Variants in ADAM12 observed in about 807,000 individuals in gnomAD.
ADAM12 encodes ADAM metallopeptidase domain 12.
Under a neutral mutation model 106.4 loss-of-function variants are expected in ADAM12, and 70 were observed. That is an observed-to-expected ratio of 0.66 (90% CI 0.54 to 0.80). The LOEUF (loss-of-function observed/expected upper bound fraction) is 0.80, where lower values mean the gene tolerates loss of function less well. Ranked by LOEUF, ADAM12 falls within the 30% of genes least tolerant of loss-of-function variation. ADAM12 has a pLI of 0.00. For synonymous variants in ADAM12, 420 were observed against 433.5 expected (o/e 0.97, Z 0.39); for missense variants, 1,010 against 1,171.9 (o/e 0.86, Z 2.02).
At chr10:126,115,111 G>C (rs188481636) in intron 6 of ADAM12, among the ~76,000 whole-genome samples, 6 of 152,266 alleles carry the variant, frequency 3.9e-5, no homozygotes, top group Admixed American at 3.9e-4. Flanking sequence ...TGTCCTATAT[G>C]TACACAGTAC....
chr10:126,318,474 TCA>T (rs534529186), intron 2 of ADAM12, among the ~76,000 whole-genome samples: 1 of 150,624 alleles, frequency 6.6e-6, no homozygotes, highest in South Asian at 2.1e-4. Flanking sequence ...ACATTCACAC[TCA>T]CACATTCACA....
chr10:126,272,560 A>T (rs1959183544), intron 3 of ADAM12, among the ~76,000 whole-genome samples: 1 of 152,246 alleles, frequency 6.6e-6, no homozygotes, highest in African/African-American at 2.4e-5. Flanking sequence ...AGTTAATAGT[A>T]GAAGGGAAGC....
At chr10:126,045,357 C>T (rs1954287811) in intron 17 of ADAM12, among the ~76,000 whole-genome samples, 1 of 152,140 alleles carries the variant, frequency 6.6e-6, no homozygotes, top group South Asian at 2.1e-4. Context: ...TGGTAATTTA[C>T]AACCCCCTCC....
At chr10:126,038,218 A>T in intron 20 of ADAM12, 23 bp downstream of exon 20, 1 of 1,579,758 alleles carries the variant, frequency 6.3e-7, no homozygotes, top group Non-Finnish European at 8.6e-7. Flanking sequence ...TGCCCTGAGC[A>T]CTCACATCTA....
chr10:126,152,861 G>C (rs1956753117), intron 4 of ADAM12, among the ~76,000 whole-genome samples: 1 of 152,100 alleles, frequency 6.6e-6, no homozygotes, highest in Non-Finnish European at 1.5e-5. Flanking sequence ...AAAATCTAAA[G>C]TTAATCAGCG....
chr10:126,056,260 A>C (rs1710293), intron 14 of ADAM12, among the ~76,000 whole-genome samples: 108,846 of 152,136 alleles, frequency 0.72, 40,565 homozygotes, highest in East Asian at 0.93. Context: ...ATGGCCAGGA[A>C]GTGATGTCCC....
At chr10:126,182,802 C>T (rs1250041048) in intron 3 of ADAM12, among the ~76,000 whole-genome samples, 1 of 152,234 alleles carries the variant, frequency 6.6e-6, no homozygotes, top group Non-Finnish European at 1.5e-5. Context: ...ATTCTCGGGA[C>T]TATGGGGATT....
intron 5 of ADAM12, among the ~76,000 whole-genome samples, chr10:126,127,113 C>G (rs927031274): frequency 4.6e-5 from 7 of 152,186 alleles, no homozygotes; most frequent in Non-Finnish European, 1.0e-4. Context: ...CTGCAAACAG[C>G]TGAGGTGGGC....
chr10:126,348,664 T>C (rs1170353775), intron 1 of ADAM12, among the ~76,000 whole-genome samples: 2 of 152,342 alleles, frequency 1.3e-5, no homozygotes, highest in Admixed American at 1.3e-4. Context: ...ATTTCCTCTG[T>C]CTCTGTGCCA....
intron 10 of ADAM12, among the ~76,000 whole-genome samples, chr10:126,095,092 T>C (rs185743304): frequency 2.7e-4 from 41 of 152,342 alleles, no homozygotes; most frequent in Admixed American, 1.1e-3. Flanking sequence ...TGTTTGAATC[T>C]TGCTTTGTGC....
intron 1 of ADAM12, among the ~76,000 whole-genome samples, chr10:126,368,597 C>T (rs954181743): frequency 4.6e-5 from 7 of 151,832 alleles, no homozygotes; most frequent in South Asian, 2.1e-4. Flanking sequence ...AAGAAAGCAG[C>T]ATAAAACAAA....
At chr10:126,033,307 A>G (rs2133393430) in intron 21 of ADAM12, among the ~76,000 whole-genome samples, 1 of 152,316 alleles carries the variant, frequency 6.6e-6, no homozygotes, top group African/African-American at 2.4e-5. Flanking sequence ...GGATACATAA[A>G]AAGTAGTTCA....
chr10:126,110,966 CTCTT>C (rs1372888943), intron 6 of ADAM12, among the ~76,000 whole-genome samples: 3 of 152,194 alleles, frequency 2.0e-5, no homozygotes, highest in Admixed American at 2.0e-4. Flanking sequence ...GTTATAACCA[CTCTT>C]TCAGACAAAA....
chr10:126,323,558 TCA>T lies in ADAM12; in HGVS notation c.186+6852_186+6853del, dbSNP rs973308989. ...TCAGGATCCAGGCACGGATAAAGTC[TCA>T]GAGTCAGTCAACAAGCATCCTGCAA... On this transcript the variant is annotated intron_variant, in intron 2 of 22. Transcript: ENST00000448723. 8.1e-4 allele frequency among the ~76,000 whole-genome samples: 123 copies of T among 152,252 alleles called. 2 individuals are homozygous for T. The highest frequency in any genetic ancestry group is 2.6e-4 in the Non-Finnish European group (18 of 68,018).
At chr10:126,270,865 G>T (rs1959171633) in intron 3 of ADAM12, among the ~76,000 whole-genome samples, 1 of 152,170 alleles carries the variant, frequency 6.6e-6, no homozygotes, top group Non-Finnish European at 1.5e-5. Flanking sequence ...TCACCCACTA[G>T]GCTCCAGCTT....
intron 11 of ADAM12, 30 bp downstream of exon 11, chr10:126,093,955 G>A (rs772481532): frequency 6.2e-7 from 1 of 1,613,050 alleles, no homozygotes; most frequent in Non-Finnish European, 8.5e-7. Flanking sequence ...CATGCACACT[G>A]TCAAAGCAGA....
intron 2 of ADAM12, among the ~76,000 whole-genome samples, chr10:126,286,997 C>G (rs1959896573): frequency 6.6e-6 from 1 of 152,182 alleles, no homozygotes; most frequent in African/African-American, 2.4e-5. Flanking sequence ...GCTTGCTTCT[C>G]CCTCCCTGCA....
intron 1 of ADAM12, among the ~76,000 whole-genome samples, chr10:126,345,719 C>T (rs11814673): frequency 0.04 from 6,157 of 152,116 alleles, 424 homozygotes; most frequent in African/African-American, 0.14. Flanking sequence ...TTGGTCTATT[C>T]AGGGTTTCAA....
At position 126,043,204 on chromosome 10, in the gene ADAM12, A is replaced by T; in HGVS notation, c.1996-56T>A. On this transcript the variant is annotated intron_variant, in intron 17 of 22. Coordinates refer to ENST00000448723, the MANE Select transcript of ADAM12 (RefSeq NM_001288973.2). This position sits in a 1 kb window ranked among gnomAD's most constrained non-coding sequence, Gnocchi z 4.1. The stretch of plus-strand genomic sequence containing the variant: ...TAGGGCATATGCTCTGTGCATCACC[A>T]CAGCAGAAGCAAGGGGGGCCATGGT... 2.0e-6 allele frequency: 3 copies of T among 1,520,114 alleles called. No homozygotes were observed. The highest frequency in any genetic ancestry group is 2.7e-6 in the Non-Finnish European group (3 of 1,105,102). 94.2% of individuals were successfully genotyped at this position (1,520,114 alleles called of 1,614,324 possible).
Sources: allele counts gnomAD v4.1 joint callset (sites outside exome capture counted in the v4.1 genomes callset), GRCh38; gene constraint gnomAD v4.1.1; non-coding constraint Gnocchi (gnomAD v3.1); transcripts MANE v1.5; gene names NCBI Gene and HGNC (gene_info 2026-07-23, HGNC 2026-07-21).